LDLRAD3: variants seen among roughly 807,000 people sequenced by gnomAD.
LDLRAD3 encodes the protein low-density lipoprotein receptor class A domain-containing protein 3.
LDLRAD3 carries 20 observed loss-of-function variants against 29.4 expected under a neutral mutation model. The observed-to-expected ratio is 0.68, with a 90% confidence interval of 0.48 to 0.99. LDLRAD3 has a LOEUF of 0.99. Among genes scored for constraint, LDLRAD3 ranks in the 50% least tolerant of loss-of-function variants. The pLI is 0.00. For missense variants in LDLRAD3, 420 were observed against 454.3 expected, an observed-to-expected ratio of 0.92 and a Z score of 0.69; for synonymous variants, 157 against 192.7, an observed-to-expected ratio of 0.81 and a Z score of 1.53.
In LDLRAD3 at chr11:36,036,225, G is replaced by A. The variant is rs764100070; in HGVS notation, c.169G>A (p.Asp57Asn). The A allele has an allele frequency of 3.7e-6, 6 of 1,613,990 alleles. No homozygotes were observed. The highest frequency in any genetic ancestry group is 3.3e-5 in the Admixed American group (2 of 60,008). The change falls in exon 2 of 6, where the codon GAC becomes AAC. Residue 57 changes from aspartate (D) to asparagine (N), a missense_variant. Asp to Asn is a conservative substitution (Grantham distance 23, BLOSUM62 1). This residue lies in a region of LDLRAD3 where 224 missense variants were observed against 222.2 expected (regional missense o/e 1.01). Transcript: ENST00000315571. ...WQCDGLPDCF[D>N]KSDEKECPKA... The stretch of plus-strand genomic sequence containing the variant: ...GTGTGACGGGCTGCCTGACTGCTTC[G>A]ACAAGAGTGATGAGAAGGAGTGCCG...
chr11:36,012,241 C>G (rs1247533014), intron 1 of LDLRAD3, among the ~76,000 whole-genome samples: 1 of 152,152 alleles, frequency 6.6e-6, no homozygotes, highest in African/African-American at 2.4e-5. Flanking sequence ...TAATGCCTTT[C>G]CATCCTAACT....
At position 36,113,822 on chromosome 11, in the gene LDLRAD3, C is replaced by T. The variant is rs112717459; in HGVS notation, c.454+15361C>T. Among the ~76,000 whole-genome samples the T allele has an allele frequency of 1.1e-4, 16 of 152,178 alleles. 1 individual carries two copies. Among genetic ancestry groups the T allele is most frequent in the African/African-American group, 2.2e-4 (9 of 41,530 alleles). On this transcript the variant is annotated intron_variant, in intron 4 of 5. Coordinates refer to ENST00000315571, the MANE Select transcript of LDLRAD3 (RefSeq NM_174902.4). ...CTGAGTAGCTGAGATTACAGGCCCA[C>T]GCCACCACACCCAGCTAATTTTTGT...
Position 36,229,144 on chromosome 11 carries a change from G to T in LDLRAD3, c.801-16G>T. 1.9e-6 allele frequency: 3 copies of T among 1,579,424 alleles called. No homozygotes were observed. Among genetic ancestry groups the T allele is most frequent in the Non-Finnish European group, 2.6e-6 (3 of 1,149,094 alleles). ...CTGTCTCCATTGCCCCTGCCCCCCT[G>T]CTGTCCCCATCACAGGCCTGCGTGG... is the stretch of plus-strand genomic sequence containing the variant. On this transcript the variant is annotated splice_polypyrimidine_tract_variant and intron_variant, in intron 5 of 5. Coordinates refer to ENST00000315571, the MANE Select transcript of LDLRAD3 (RefSeq NM_174902.4).
chr11:36,134,700 T>C (rs374395536), intron 4 of LDLRAD3, among the ~76,000 whole-genome samples: 2 of 152,224 alleles, frequency 1.3e-5, no homozygotes, highest in South Asian at 2.1e-4. Context: ...ACGGACCTCA[T>C]TGAGAAATGG....
intron 4 of LDLRAD3, among the ~76,000 whole-genome samples, chr11:36,171,823 A>G (rs952794034): frequency 6.6e-6 from 1 of 152,148 alleles, no homozygotes; most frequent in Non-Finnish European, 1.5e-5. Flanking sequence ...TTGGTTCCTC[A>G]TGAAATTTAG....
chr11:36,217,624 C>T (rs907126150), intron 4 of LDLRAD3, among the ~76,000 whole-genome samples: 19 of 152,172 alleles, frequency 1.2e-4, no homozygotes, highest in African/African-American at 4.6e-4. Context: ...ACAAACTTGG[C>T]TTTGAAACAA....
intron 2 of LDLRAD3, among the ~76,000 whole-genome samples, chr11:36,071,843 A>C (rs1018450248): frequency 1.3e-5 from 2 of 152,204 alleles, no homozygotes; most frequent in Non-Finnish European, 2.9e-5. Flanking sequence ...GCTCCACCCC[A>C]GACCCACTGC....
At chr11:36,013,293 T>G (rs1851977423) in intron 1 of LDLRAD3, among the ~76,000 whole-genome samples, 1 of 152,204 alleles carries the variant, frequency 6.6e-6, no homozygotes, top group Admixed American at 6.5e-5. Flanking sequence ...CTGTTTCTTC[T>G]TCTTCTTTTT....
chr11:36,056,675 AT>A (rs1253469643), intron 2 of LDLRAD3, among the ~76,000 whole-genome samples: 1 of 152,200 alleles, frequency 6.6e-6, no homozygotes, highest in Non-Finnish European at 1.5e-5. Flanking sequence ...TGAAATCATG[AT>A]TGACTTAGCT....
At chr11:35,956,517 A>G (rs577442277) in intron 1 of LDLRAD3, among the ~76,000 whole-genome samples, 1 of 152,276 alleles carries the variant, frequency 6.6e-6, no homozygotes, top group African/African-American at 2.4e-5. Flanking sequence ...TGTGCATATT[A>G]AAGTTTGAGA....
chr11:36,215,517 G>A (rs546647811), intron 4 of LDLRAD3, among the ~76,000 whole-genome samples: 13 of 152,278 alleles, frequency 8.5e-5, no homozygotes, highest in East Asian at 7.7e-4. Context: ...GCAGAGTCCC[G>A]TTTGGCATCG....
chr11:36,006,943 A>G (rs1394184170), intron 1 of LDLRAD3, among the ~76,000 whole-genome samples: 1 of 152,152 alleles, frequency 6.6e-6, no homozygotes, highest in African/African-American at 2.4e-5. Flanking sequence ...CTCCATTGCC[A>G]CCATCCTGCT....
chr11:36,103,236 C>CTTTTTT (rs3082245), intron 4 of LDLRAD3, among the ~76,000 whole-genome samples: 2 of 123,916 alleles, frequency 1.6e-5, no homozygotes, highest in Non-Finnish European at 3.2e-5. Flanking sequence ...AGTATTTAAT[C>CTTTTTT]TTTTTTTTTT....
At chr11:36,140,330 C>T (rs189774714) in intron 4 of LDLRAD3, among the ~76,000 whole-genome samples, 38 of 152,208 alleles carry the variant, frequency 2.5e-4, no homozygotes, top group Admixed American at 5.2e-4. Context: ...GATGCGCATA[C>T]GCTCATTCAT....
rs115367240 is a variant in LDLRAD3 at position 36,094,371 on chromosome 11, C to T, written c.320-3956C>T. ...CAAATTGTCTGTGGCTGCTTTGTGA[C>T]ACAATGGCAAGGTTGAGTCATTACA... On this transcript the variant is annotated intron_variant, in intron 3 of 5. Coordinates refer to ENST00000315571, the MANE Select transcript of LDLRAD3 (RefSeq NM_174902.4). 4.5e-3 allele frequency among the ~76,000 whole-genome samples: 682 copies of T among 152,264 alleles called. 4 individuals carry two copies. The highest frequency in any genetic ancestry group is 0.015 in the African/African-American group (636 of 41,530).
chr11:35,982,458 T>A (rs1851553559), intron 1 of LDLRAD3, among the ~76,000 whole-genome samples: 1 of 152,162 alleles, frequency 6.6e-6, no homozygotes, highest in South Asian at 2.1e-4. Flanking sequence ...TCTGTAAAGA[T>A]CCTGTCTCCA....
intron 4 of LDLRAD3, chr11:36,101,888 T>A: frequency 4.6e-6 from 1 of 216,560 alleles, no homozygotes; most frequent in Admixed American, 5.2e-5. Context: ...CTGTCATCTT[T>A]TTTTTTTTTT....
intron 4 of LDLRAD3, among the ~76,000 whole-genome samples, chr11:36,146,261 C>T (rs556336499): frequency 3.3e-5 from 5 of 152,282 alleles, no homozygotes; most frequent in South Asian, 2.1e-4. Flanking sequence ...ATCAAATGTC[C>T]GATGAAAGTA....
At chr11:36,209,237 C>T (rs1046293188) in intron 4 of LDLRAD3, among the ~76,000 whole-genome samples, 1 of 151,294 alleles carries the variant, frequency 6.6e-6, no homozygotes, top group Non-Finnish European at 1.5e-5. Context: ...TGAATCAATT[C>T]TATTAACTTA....
Sources: allele counts gnomAD v4.1 joint callset (sites outside exome capture counted in the v4.1 genomes callset), GRCh38; gene constraint gnomAD v4.1.1; regional missense constraint gnomAD v4.1.1; transcripts MANE v1.5; gene names NCBI Gene and HGNC (gene_info 2026-07-23, HGNC 2026-07-21).